The following CPLANE1 variants were observed in gnomAD, a reference collection of about 807,000 sequenced individuals.
The protein encoded by CPLANE1 is ciliogenesis and planar polarity effector 1.
In CPLANE1, 263 loss-of-function variants were observed where a neutral mutation model predicts 362.5. The ratio of observed to expected loss-of-function variants is 0.73; its 90% confidence interval spans 0.66 to 0.80. The LOEUF is 0.80. Ranked by LOEUF, CPLANE1 falls within the 30% of genes least tolerant of loss-of-function variation. The pLI is 0.00. For synonymous variants in CPLANE1, 1,212 were observed against 1,302.6 expected (o/e 0.93, Z 1.50); for missense variants, 3,461 against 3,793.4 (o/e 0.91, Z 2.30).
At chr5:37,215,051 T>G (rs1433176465) in intron 15 of CPLANE1, among the ~76,000 whole-genome samples, 2 of 152,100 alleles carry the variant, frequency 1.3e-5, no homozygotes, top group Non-Finnish European at 2.9e-5. Context: ...CCCTTATGAT[T>G]TTTTTTTCTC....
chr5:37,135,998 C>T (rs1412215902), intron 46 of CPLANE1, among the ~76,000 whole-genome samples: 2 of 152,078 alleles, frequency 1.3e-5, no homozygotes, highest in East Asian at 1.9e-4. Flanking sequence ...ACAATCAGAC[C>T]ATATCATTCT....
At chr5:37,138,878 T>C in intron 45 of CPLANE1, 30 bp from the exon 46 acceptor site, 3 of 1,582,900 alleles carry the variant, frequency 1.9e-6, no homozygotes, top group Non-Finnish European at 2.6e-6. Context: ...TTAAGAAATA[T>C]AAATCAGTAT....
At chr5:37,089,339 G>A in the CPLANE1 span, among the ~76,000 whole-genome samples, 1 of 152,112 alleles carries the variant, frequency 6.6e-6, no homozygotes, top group Non-Finnish European at 1.5e-5. Flanking sequence ...CTTTGGGGAT[G>A]GGACCTATTA....
chr5:37,077,679 T>A, the CPLANE1 span, among the ~76,000 whole-genome samples: 2,072 of 145,122 alleles, frequency 0.014, 57 homozygotes, highest in African/African-American at 0.051. Flanking sequence ...AGTGGCATGA[T>A]CATGGCTCAC....
Position 37,157,749 on chromosome 5 carries a change from T to C in CPLANE1, c.7932A>G (p.Ala2644=), listed in dbSNP as rs752363561. The C allele has an allele frequency of 1.9e-6, 3 of 1,613,934 alleles. No individual in the cohort carries two copies. The highest frequency in any genetic ancestry group is 3.3e-5 in the Admixed American group (2 of 60,016). The change falls in exon 40 of 53, where the codon GCA becomes GCG. Residue 2644 remains alanine (A), a synonymous_variant. Transcript: ENST00000651892. The part of the protein sequence containing the change: ...NVIKQQSDHL[A]VPSSAELHYM... ...AATGTAACTCTGCAGACGATGGAAC[T>C]GCTAGATGATCGCTTTGCTGTTTGA...
At chr5:37,104,558 C>G (rs1233511243), downstream of CPLANE1, among the ~76,000 whole-genome samples, 3 of 151,652 alleles carry the variant, frequency 2.0e-5, no homozygotes, top group African/African-American at 7.3e-5. Context: ...CGAGATTGCA[C>G]CACTGCACTC....
chr5:37,110,266 C>A (rs1447134662), intron 51 of CPLANE1, among the ~76,000 whole-genome samples: 1 of 152,188 alleles, frequency 6.6e-6, no homozygotes, highest in Non-Finnish European at 1.5e-5. Context: ...CACCTTTCCA[C>A]ACTGATCTTT....
chr5:37,153,916 G>A lies in CPLANE1; in HGVS notation c.8197C>T (p.Arg2733Trp), dbSNP rs142792453. 21 of 1,613,970 alleles carry A rather than the reference G, an allele frequency of 1.3e-5. No homozygotes were observed. Among genetic ancestry groups the A allele is most frequent in the African/African-American group, 1.1e-4 (8 of 74,894 alleles). ...DSAEDYLLWK[R>W]LQGVSAACPA... The stretch of plus-strand genomic sequence containing the variant: ...CAAGCTGCAGAGACACCTTGCAGCC[G>A]TTTCCACAATAGATAATCTTCTGCA... The change falls in exon 42 of 53, where the codon CGG (arginine) becomes TGG (tryptophan). Residue 2733 changes from arginine to tryptophan, a missense_variant. Physicochemically the swap from Arg to Trp is moderately radical, Grantham distance 101 (BLOSUM62 -3). Coordinates refer to ENST00000651892, the MANE Select transcript of CPLANE1 (RefSeq NM_001384732.1).
rs900094866 is a variant in CPLANE1, at chr5:37,168,988, G to A, written c.7036C>T (p.Pro2346Ser). 6.2e-7 allele frequency: 1 copy of A among 1,614,002 alleles called. No individual in the cohort carries two copies. Among genetic ancestry groups the A allele is most frequent in the Non-Finnish European group, 8.5e-7 (1 of 1,180,008 alleles). ...TGAGGAGATATCTCAAGGGTCCCTG[G>A]CTTAACATCAAATAGTTTTTCTGGT... ...IKPEKLFDVK[P>S]GTLEISPHHS... Residue 2346 changes from proline (P) to serine (S), a missense_variant, in exon 34 of 53, where the codon CCA (proline) becomes TCA (serine). By Grantham distance (74) the Pro-to-Ser change is moderately conservative (BLOSUM62 -1). Transcript: ENST00000651892.
intron 43 of CPLANE1, among the ~76,000 whole-genome samples, chr5:37,147,464 G>A (rs879494734): frequency 1.3e-5 from 2 of 152,146 alleles, no homozygotes; most frequent in African/African-American, 4.8e-5. Context: ...AGATGATGAT[G>A]AGTATCAACA....
intron 37 of CPLANE1, among the ~76,000 whole-genome samples, chr5:37,162,866 G>C (rs1208934058): frequency 1.3e-5 from 2 of 152,172 alleles, no homozygotes; most frequent in African/African-American, 4.8e-5. Context: ...TTTTAGGAGA[G>C]ACGGGGTTTC....
the CPLANE1 span, among the ~76,000 whole-genome samples, chr5:37,076,004 G>T: frequency 1.3e-5 from 2 of 152,126 alleles, no homozygotes; most frequent in Admixed American, 1.3e-4. Context: ...AGCACTTTGG[G>T]AGGCTGAGAT....
rs1791910953 is a variant in CPLANE1 at position 37,209,324 on chromosome 5, C to A, written c.2921-2899G>T. 1.2e-6 allele frequency: 1 copy of A among 838,160 alleles called. No homozygotes were observed. The highest frequency in any genetic ancestry group is 2.1e-6 in the Non-Finnish European group (1 of 479,556). The allele number at this position is 838,160 out of a possible 1,614,324, so 51.9% of individuals were successfully genotyped here. ...GCTGGGCACTAAACTCGGGCCACGG[C>A]GGGGCGAGCGAGGCGGGCTCCGGAG... is the stretch of plus-strand genomic sequence containing the variant. On this transcript the variant is annotated intron_variant, in intron 16 of 52. Coordinates refer to ENST00000651892, the MANE Select transcript of CPLANE1 (RefSeq NM_001384732.1). The surrounding 1 kb of genome is among the most constrained non-coding windows in gnomAD (Gnocchi z 4.6).
chr5:37,184,289 G>A (rs1331267369), intron 25 of CPLANE1, among the ~76,000 whole-genome samples: 2 of 152,034 alleles, frequency 1.3e-5, no homozygotes, highest in East Asian at 3.9e-4. Context: ...ATGATTCCTA[G>A]GGCAGAACAC....
At chr5:37,123,443 T>A (rs1416871692) in intron 47 of CPLANE1, among the ~76,000 whole-genome samples, 1 of 152,168 alleles carries the variant, frequency 6.6e-6, no homozygotes, top group African/African-American at 2.4e-5. Flanking sequence ...ACTAATCCCA[T>A]CCCTTTACCC....
Position 37,125,361 on chromosome 5 carries a change from T to C in CPLANE1, c.8841A>G (p.Arg2947=), listed in dbSNP as rs1366512924. The C allele has an allele frequency of 1.2e-6, 2 of 1,613,884 alleles. No homozygotes were observed. Among genetic ancestry groups the C allele is most frequent in the Non-Finnish European group, 8.5e-7 (1 of 1,179,952 alleles). ...TTTTCATCCAGGCTTGAATCTCTCTTCTTTCCTTGTCAGTTCTTTGTGAAT... is the reference window on the plus strand; with the variant it reads ...TTTTCATCCAGGCTTGAATCTCTCTCCTTTCCTTGTCAGTTCTTTGTGAAT... The part of the protein sequence containing the change: ...GRHSQRTDKE[R]REIQAWMKRK... The change falls in exon 47 of 53, where the codon AGA becomes AGG. Residue 2947 remains arginine, a synonymous_variant. Transcript: ENST00000651892.
At chr5:37,107,839 CAAAA>C in intron 52 of CPLANE1, 61 bp from the exon 53 acceptor site, 1 of 1,468,374 alleles carries the variant, frequency 6.8e-7, no homozygotes, top group East Asian at 2.5e-5. Flanking sequence ...AAAACAAAAA[CAAAA>C]AAACCTGGAA....
intron 8 of CPLANE1, among the ~76,000 whole-genome samples, chr5:37,238,316 G>A (rs1161671536): frequency 6.6e-6 from 1 of 151,856 alleles, no homozygotes; most frequent in Non-Finnish European, 1.5e-5. Flanking sequence ...GGGACTACAG[G>A]AACATGCCAC....
At chr5:37,206,144 T>C (rs1298726283) in intron 17 of CPLANE1, 53 bp downstream of exon 17, 13 of 1,160,800 alleles carry the variant, frequency 1.1e-5, no homozygotes, top group Admixed American at 4.3e-5. Context: ...AAGAGAAATA[T>C]AAAATACATA....
Sources: gnomAD v4.1 joint callset for allele counts (sites outside exome capture counted in the v4.1 genomes callset) on GRCh38, gnomAD v4.1.1 for gene constraint, Gnocchi (gnomAD v3.1) non-coding constraint, MANE v1.5 for transcripts, NCBI Gene and HGNC (gene_info 2026-07-23, HGNC 2026-07-21) for gene names.